The following PRKAG2 variants were observed in gnomAD, a reference collection of about 807,000 sequenced individuals.
PRKAG2 encodes the protein protein kinase AMP-activated non-catalytic subunit gamma 2, also known as 5'-AMP-activated protein kinase subunit gamma-2.
Under a neutral mutation model 69.6 loss-of-function variants are expected in PRKAG2, and 26 were observed. The ratio of observed to expected loss-of-function variants is 0.37; its 90% CI spans 0.27 to 0.52. The LOEUF (loss-of-function observed/expected upper bound fraction) is 0.52, where lower values mean the gene tolerates loss of function less well. PRKAG2 is among the 20% of genes least tolerant of loss of function. The probability of loss-of-function intolerance (pLI) is 0.90; values close to 1 mark genes in which losing one functional copy is unlikely to be tolerated. For synonymous variants in PRKAG2, 293 were observed against 285.0 expected, an observed-to-expected ratio of 1.03 and a Z score of -0.28; for missense variants, 557 against 740.0, an observed-to-expected ratio of 0.75 and a Z score of 2.87.
At chr7:151,560,704 TA>T in intron 14 of PRKAG2, 87 bp from the exon 15 acceptor site, 1 of 1,522,374 alleles carries the variant, frequency 6.6e-7, no homozygotes, top group South Asian at 1.1e-5. Context: ...GTCATGTTTT[TA>T]TATGATCAAC....
rs182127270 is a variant in PRKAG2, at chr7:151,826,175, T to C, written c.115-39634A>G. Among the ~76,000 whole-genome samples the C allele has an allele frequency of 8.3e-3, 1,231 of 147,814 alleles. 19 individuals carry two copies. Among genetic ancestry groups the C allele is most frequent in the African/African-American group, 0.03 (1,165 of 38,794 alleles). The stretch of plus-strand genomic sequence containing the variant: ...CATCTCTCCTGACTTCCAGTTCCAC[T>C]TTTTTTTTTGTTGTTGTTTTTTTTT... On this transcript the variant is annotated intron_variant, in intron 1 of 15. Transcript: ENST00000287878.
At chr7:151,712,901 T>G (rs573472963) in intron 3 of PRKAG2, among the ~76,000 whole-genome samples, 1 of 141,704 alleles carries the variant, frequency 7.1e-6, no homozygotes, top group East Asian at 1.9e-4. Flanking sequence ...CATCACTCAT[T>G]TTGGGTGCAG....
In PRKAG2 at chr7:151,876,672, C is replaced by G. The variant is rs779482544; in HGVS notation, c.-52G>C. 2 of 1,543,704 alleles carry G rather than the reference C, an allele frequency of 1.3e-6. No homozygotes were observed. Among genetic ancestry groups the G allele is most frequent in the East Asian group, 4.5e-5 (2 of 44,384 alleles). ...AAACTCCTCGGGGGTTCGGTCCCCT[C>G]CTTCCCTCCCCCGGCCGCTGCCTTC... On this transcript the variant is annotated 5_prime_UTR_variant, in exon 1 of 16. Coordinates refer to ENST00000287878, the MANE Select transcript of PRKAG2 (RefSeq NM_016203.4).
rs546281158 is a variant in PRKAG2 at position 151,777,483 on chromosome 7, G to C, written c.466+3669C>G. On this transcript the variant is annotated intron_variant, in intron 3 of 15. Transcript: ENST00000287878. This position sits in a 1 kb window ranked among gnomAD's most constrained non-coding sequence, Gnocchi z 4.3. The stretch of plus-strand genomic sequence containing the variant: ...TTGCCTCCCTGCGGCAGTGAGTCCT[G>C]CTCTCTTAGCTGGGTGCTTTAAAGA... Among the ~76,000 whole-genome samples the C allele has an allele frequency of 6.6e-6, 1 of 152,142 alleles. No homozygotes were observed. The highest frequency in any genetic ancestry group is 1.5e-5 in the Non-Finnish European group (1 of 68,020).
chr7:151,855,458 C>A (rs529588357), intron 1 of PRKAG2, among the ~76,000 whole-genome samples: 4 of 36,426 alleles, frequency 1.1e-4, no homozygotes, highest in Non-Finnish European at 1.6e-4. Context: ...ACACCATCCT[C>A]CACACACACC....
In PRKAG2 at chr7:151,812,935, GAAA is replaced by G. The variant is rs34158604; in HGVS notation, c.115-26397_115-26395del. ...TCTCAAGGCCTACTACTGCTGGGCT[GAAA>G]AAAAAAAAACCACACACACACACCT... On this transcript the variant is annotated intron_variant, in intron 1 of 15. Coordinates refer to ENST00000287878, the MANE Select transcript of PRKAG2 (RefSeq NM_016203.4). 5.4e-5 allele frequency among the ~76,000 whole-genome samples: 8 copies of G among 149,298 alleles called. No homozygotes were observed. The South Asian group carries it at 8.4e-4, about 16-fold the overall frequency.
intron 3 of PRKAG2, among the ~76,000 whole-genome samples, chr7:151,721,541 C>T (rs1375677687): frequency 6.6e-6 from 1 of 152,154 alleles, no homozygotes; most frequent in Admixed American, 6.5e-5. Flanking sequence ...AGGCGTGCCA[C>T]CCCTCTGCCC....
chr7:151,808,263 C>T (rs375659599), intron 1 of PRKAG2, among the ~76,000 whole-genome samples: 4 of 152,148 alleles, frequency 2.6e-5, no homozygotes, highest in African/African-American at 9.7e-5. Flanking sequence ...CTGGCTGAAC[C>T]GCAGTGCCTC....
intron 1 of PRKAG2, among the ~76,000 whole-genome samples, chr7:151,796,514 G>A (rs1348861006): frequency 6.6e-6 from 1 of 152,212 alleles, no homozygotes; most frequent in African/African-American, 2.4e-5. Flanking sequence ...CTGAGCCTTG[G>A]CAGCAGAGTG....
At chr7:151,721,394 G>GGGGCCAGGGCCA (rs1024674368) in intron 3 of PRKAG2, among the ~76,000 whole-genome samples, 3 of 133,386 alleles carry the variant, frequency 2.2e-5, no homozygotes, top group African/African-American at 8.8e-5. Context: ...GGCCAGGGCC[G>GGGGCCAGGGCCA]GGGCCAGGGC....
chr7:151,736,726 C>T (rs990600752), intron 3 of PRKAG2, among the ~76,000 whole-genome samples: 5 of 152,184 alleles, frequency 3.3e-5, no homozygotes, highest in East Asian at 1.9e-4. Context: ...GCAGCAATGC[C>T]GTCTTCAAGG....
rs564998848 is a variant in PRKAG2, at chr7:151,766,212, G to A, written c.466+14940C>T. On this transcript the variant is annotated intron_variant, in intron 3 of 15. Coordinates refer to ENST00000287878, the MANE Select transcript of PRKAG2 (RefSeq NM_016203.4). ...TCACATATGCGCTGCACGAGGACTC[G>A]GCTGGGCTGCAGATCTGAAACCTTT... 7.2e-5 allele frequency among the ~76,000 whole-genome samples: 11 copies of A among 152,312 alleles called. No homozygotes were observed. In the East Asian group the frequency reaches 1.3e-3, roughly 19 times the overall value.
At position 151,786,550 on chromosome 7, in the gene PRKAG2, G is replaced by A. The variant is rs763222108; in HGVS notation, c.115-9C>T. ...GCGAAGGAGCTCAGGTCCTAGGGTG[G>A]ACAGAGAGCACGTGGTCAGTGACAG... On this transcript the variant is annotated splice_polypyrimidine_tract_variant and intron_variant, in intron 1 of 15. Transcript: ENST00000287878. 7 of 1,610,526 alleles carry A rather than the reference G, an allele frequency of 4.3e-6. No homozygotes were observed. Among genetic ancestry groups the A allele is most frequent in the Non-Finnish European group, 5.1e-6 (6 of 1,178,466 alleles).
intron 1 of PRKAG2, among the ~76,000 whole-genome samples, chr7:151,875,133 G>T (rs1049365976): frequency 8.5e-5 from 13 of 152,216 alleles, no homozygotes; most frequent in Admixed American, 2.0e-4. Flanking sequence ...TTTTCAAATA[G>T]AACACTTATT....
chr7:151,873,175 C>T (rs966908454), intron 1 of PRKAG2, among the ~76,000 whole-genome samples: 22 of 152,214 alleles, frequency 1.4e-4, no homozygotes, highest in African/African-American at 2.2e-4. Flanking sequence ...CAAACCCTTT[C>T]GCCAGGAGGC....
At chr7:151,591,939 G>A (rs761221672) in intron 6 of PRKAG2, among the ~76,000 whole-genome samples, 14 of 152,228 alleles carry the variant, frequency 9.2e-5, no homozygotes, top group Non-Finnish European at 1.9e-4. Flanking sequence ...AGCTAGCCAC[G>A]AGATGCGGAG....
intron 1 of PRKAG2, among the ~76,000 whole-genome samples, chr7:151,802,625 G>T (rs930013013): frequency 7.9e-5 from 12 of 152,198 alleles, no homozygotes; most frequent in African/African-American, 2.9e-4. Flanking sequence ...TTCTCCCCAG[G>T]CTATCTGTGT....
rs114950926 is a variant in PRKAG2, at chr7:151,770,487, G to A, written c.466+10665C>T. Among the ~76,000 whole-genome samples, 968 of 152,262 alleles carry A rather than the reference G, an allele frequency of 6.4e-3. 9 individuals are homozygous for A. The highest frequency in any genetic ancestry group is 0.022 in the African/African-American group (900 of 41,558). On this transcript the variant is annotated intron_variant, in intron 3 of 15. Transcript: ENST00000287878. Reference sequence around the variant, plus strand: ...GCATAAATCCCTGTCTTCCACTCTCGCAGTGCCTGTTTCCAGCATCTGGCT... The same window carrying A: ...GCATAAATCCCTGTCTTCCACTCTCACAGTGCCTGTTTCCAGCATCTGGCT...
chr7:151,815,188 C>T lies in PRKAG2; in HGVS notation c.115-28647G>A, dbSNP rs1421027740. On this transcript the variant is annotated intron_variant, in intron 1 of 15. Transcript: ENST00000287878. ...TGAAATCCCCATTTACACTCCATTC[C>T]CCCAACTCCAACCAGACAGCCTGCA... Among the ~76,000 whole-genome samples the T allele has an allele frequency of 5.6e-5, 4 of 71,872 alleles. No homozygotes were observed. In the East Asian group the frequency reaches 1.3e-3, roughly 24 times the overall value. The allele number at this position is 71,872 out of a possible 152,430, so 47.2% of individuals were successfully genotyped here.
Sources: allele counts gnomAD v4.1 joint callset (sites outside exome capture counted in the v4.1 genomes callset), GRCh38; gene constraint gnomAD v4.1.1; non-coding constraint Gnocchi (gnomAD v3.1); transcripts MANE v1.5; gene names NCBI Gene and HGNC (gene_info 2026-07-23, HGNC 2026-07-21).